Variants in LHFPL3 observed in about 807,000 individuals in gnomAD.
The protein encoded by LHFPL3 is LHFPL tetraspan subfamily member 3.
LHFPL3 carries 5 observed loss-of-function variants against 19.3 expected under a neutral mutation model. The ratio of observed to expected loss-of-function variants is 0.26; its 90% CI spans 0.14 to 0.54. The LOEUF is 0.54. Ranked by LOEUF, LHFPL3 falls within the 20% of genes least tolerant of loss-of-function variation. The probability of loss-of-function intolerance (pLI) is 0.94; values close to 1 mark genes in which losing one functional copy is unlikely to be tolerated. For missense variants in LHFPL3, 249 were observed against 307.4 expected (o/e 0.81, Z 1.42); for synonymous variants, 133 against 126.2 (o/e 1.05, Z -0.36).
intron 1 of LHFPL3, among the ~76,000 whole-genome samples, chr7:104,330,696 C>T (rs538285420): frequency 5.1e-4 from 77 of 152,262 alleles, no homozygotes; most frequent in Non-Finnish European, 9.4e-4. Flanking sequence ...ATCTCCTGAA[C>T]GGGGAGTTCT....
chr7:104,872,656 A>C (rs1285229996), intron 2 of LHFPL3, among the ~76,000 whole-genome samples: 1 of 152,086 alleles, frequency 6.6e-6, no homozygotes, highest in Non-Finnish European at 1.5e-5. Flanking sequence ...AAAGAAAAAA[A>C]AAAAACTAAG....
At chr7:104,899,321 G>C (rs1401620005) in intron 2 of LHFPL3, among the ~76,000 whole-genome samples, 1 of 152,120 alleles carries the variant, frequency 6.6e-6, no homozygotes, top group Admixed American at 6.6e-5. Flanking sequence ...AGGGTTGAAA[G>C]CCAGGGAGAA....
intron 1 of LHFPL3, among the ~76,000 whole-genome samples, chr7:104,605,451 C>T (rs142070581): frequency 2.0e-5 from 3 of 152,268 alleles, no homozygotes; most frequent in African/African-American, 4.8e-5. Context: ...CAAAATCATA[C>T]GCATTCATAT....
intron 1 of LHFPL3, among the ~76,000 whole-genome samples, chr7:104,425,663 A>G (rs1791831789): frequency 6.6e-6 from 1 of 152,166 alleles, no homozygotes; most frequent in Non-Finnish European, 1.5e-5. Flanking sequence ...CTACTGTTAC[A>G]TCTTTTGGTG....
rs912063272 is a variant in LHFPL3 at position 104,446,565 on chromosome 7, AT to A, written c.445+117348del. ...TTTTCTAGTTTTTTGTTTTTATTTT[AT>A]TTTTTTATTTTTTATTTGTTTGTGT... On this transcript the variant is annotated intron_variant, in intron 1 of 2. Transcript: ENST00000424859. Among the ~76,000 whole-genome samples the A allele has an allele frequency of 8.6e-5, 13 of 151,894 alleles. No homozygotes were observed. The South Asian group carries it at 2.1e-3, about 24-fold the overall frequency.
Position 104,870,418 on chromosome 7 carries a change from A to G in LHFPL3, c.683-35769A>G, listed in dbSNP as rs372726570. Among the ~76,000 whole-genome samples the G allele has an allele frequency of 3.3e-4, 51 of 152,250 alleles. 1 individual carries two copies. The highest frequency in any genetic ancestry group is 1.2e-3 in the African/African-American group (49 of 41,570). ...TTCGCCCGACTTGCACCTCTGGGAA[A>G]GGGGAATGGGAACATCTGTCTCCCA... On this transcript the variant is annotated intron_variant, in intron 2 of 2. Transcript: ENST00000424859.
At chr7:104,330,900 G>A (rs1801555798) in intron 1 of LHFPL3, among the ~76,000 whole-genome samples, 1 of 152,196 alleles carries the variant, frequency 6.6e-6, no homozygotes, top group Non-Finnish European at 1.5e-5. Flanking sequence ...AGATGCTGTA[G>A]AAAAAGAATT....
chr7:104,391,112 C>A (rs796749865), intron 1 of LHFPL3, among the ~76,000 whole-genome samples: 10,033 of 152,060 alleles, frequency 0.066, 353 homozygotes, highest in Middle Eastern at 0.099. Context: ...AGATTGCAAA[C>A]ATTTTCTCCC....
chr7:104,678,245 C>T lies in LHFPL3; in HGVS notation c.446-58430C>T, dbSNP rs370863495. On this transcript the variant is annotated intron_variant, in intron 1 of 2. Transcript: ENST00000424859. ...TGTTATAAAGTGTATAATTGAAGAA[C>T]TTTTCTGAGCCCTGGTAAAGAGAGA... Among the ~76,000 whole-genome samples the T allele has an allele frequency of 1.2e-4, 18 of 152,188 alleles. No individual in the cohort carries two copies. The East Asian group carries it at 3.1e-3, about 26-fold the overall frequency.
rs999722645 is a variant in LHFPL3, at chr7:104,869,578, A to C, written c.683-36609A>C. 6.5e-4 allele frequency among the ~76,000 whole-genome samples: 99 copies of C among 152,172 alleles called. 1 individual carries two copies. The highest frequency in any genetic ancestry group is 2.3e-3 in the African/African-American group (97 of 41,506). ...ACCAGTTAGAATGGCAATCATTAAA[A>C]AGTCAGGAAACAACAGGTGCTGGAG... On this transcript the variant is annotated intron_variant, in intron 2 of 2. Transcript: ENST00000424859.
chr7:104,446,207 TTC>T (rs1792327343), intron 1 of LHFPL3, among the ~76,000 whole-genome samples: 1 of 152,192 alleles, frequency 6.6e-6, no homozygotes, highest in Admixed American at 6.5e-5. Context: ...AGACAATCAA[TTC>T]TGTTTGTATT....
chr7:104,788,604 G>A (rs1263096748), intron 2 of LHFPL3, among the ~76,000 whole-genome samples: 1 of 152,124 alleles, frequency 6.6e-6, no homozygotes, highest in African/African-American at 2.4e-5. Context: ...ACTAAAGCCA[G>A]TTGGTACCAT....
At chr7:104,798,649 A>C (rs1413724422) in intron 2 of LHFPL3, among the ~76,000 whole-genome samples, 1 of 152,172 alleles carries the variant, frequency 6.6e-6, no homozygotes, top group Non-Finnish European at 1.5e-5. Context: ...AATACAATGT[A>C]ATGTAAGTCA....
intron 1 of LHFPL3, among the ~76,000 whole-genome samples, chr7:104,370,149 G>T (rs1790583116): frequency 6.6e-6 from 1 of 152,166 alleles, no homozygotes; most frequent in African/African-American, 2.4e-5. Flanking sequence ...AGGTTGAAAT[G>T]ATAAAATTTA....
Position 104,584,932 on chromosome 7 carries a change from T to G in LHFPL3, c.446-151743T>G, listed in dbSNP as rs76881836. Among the ~76,000 whole-genome samples, 635 of 152,154 alleles carry G rather than the reference T, an allele frequency of 4.2e-3. 32 individuals are homozygous for G. The East Asian group carries it at 0.099, about 24-fold the overall frequency. ...AATCCAGGATAGGCAGCATCTGGAG[T>G]TATGATTTTTTGCTTTATGTTTACA... On this transcript the variant is annotated intron_variant, in intron 1 of 2. Transcript: ENST00000424859.
At chr7:104,726,334 A>ACAT (rs1793591709) in intron 1 of LHFPL3, among the ~76,000 whole-genome samples, 5 of 148,858 alleles carry the variant, frequency 3.4e-5, no homozygotes, top group African/African-American at 1.2e-4. Context: ...ACCAAAGACT[A>ACAT]TTTTTTTTTT....
intron 1 of LHFPL3, among the ~76,000 whole-genome samples, chr7:104,488,663 A>C (rs943397962): frequency 1.3e-5 from 2 of 152,146 alleles, no homozygotes; most frequent in African/African-American, 4.8e-5. Context: ...CTGACCATGA[A>C]GGAGGTCCAG....
chr7:104,468,719 T>G (rs1792842631), intron 1 of LHFPL3, among the ~76,000 whole-genome samples: 1 of 148,678 alleles, frequency 6.7e-6, no homozygotes, highest in South Asian at 2.1e-4. Flanking sequence ...AGTGCAGTGG[T>G]GCGATCTCGG....
At chr7:104,518,942 T>A (rs1330050663) in intron 1 of LHFPL3, among the ~76,000 whole-genome samples, 2 of 152,100 alleles carry the variant, frequency 1.3e-5, no homozygotes, top group African/African-American at 4.8e-5. Context: ...ATCTGAAAAA[T>A]GTGAAAGGGG....
Sources: gnomAD v4.1 joint callset for allele counts (sites outside exome capture counted in the v4.1 genomes callset) on GRCh38, gnomAD v4.1.1 for gene constraint, MANE v1.5 for transcripts, NCBI Gene and HGNC (gene_info 2026-07-23, HGNC 2026-07-21) for gene names.